CA10: variants seen among roughly 807,000 people sequenced by gnomAD.
The protein encoded by CA10 is carbonic anhydrase-related protein 10.
Under a neutral mutation model 44.2 loss-of-function variants are expected in CA10, and 14 were observed. The ratio of observed to expected loss-of-function variants is 0.32; its 90% CI spans 0.21 to 0.50. The LOEUF (loss-of-function observed/expected upper bound fraction) is 0.50. CA10 is among the 20% of genes least tolerant of loss of function. The pLI is 0.99. For synonymous variants in CA10, 159 were observed against 141.6 expected, an observed-to-expected ratio of 1.12 and a Z score of -0.87; for missense variants, 350 against 409.7, an observed-to-expected ratio of 0.85 and a Z score of 1.26.
intron 3 of CA10, among the ~76,000 whole-genome samples, chr17:51,813,187 T>C (rs1907437796): frequency 6.6e-6 from 1 of 152,224 alleles, no homozygotes. Flanking sequence ...CAGCTTCCTC[T>C]AGTGATGGTA....
At chr17:51,816,889 C>G (rs948014099) in intron 3 of CA10, among the ~76,000 whole-genome samples, 6 of 152,192 alleles carry the variant, frequency 3.9e-5, no homozygotes, top group Admixed American at 3.9e-4. Context: ...GAGCTTGGTT[C>G]CTGGATGACT....
intron 2 of CA10, among the ~76,000 whole-genome samples, chr17:52,043,169 C>T (rs942539932): frequency 2.6e-5 from 4 of 151,998 alleles, no homozygotes; most frequent in African/African-American, 4.8e-5. Context: ...GATAACTTTT[C>T]GTAGCATGAG....
At chr17:52,016,153 C>G (rs1985961589) in intron 2 of CA10, among the ~76,000 whole-genome samples, 1 of 152,094 alleles carries the variant, frequency 6.6e-6, no homozygotes, top group Non-Finnish European at 1.5e-5. Context: ...CTTTCAGACA[C>G]CAGGATTCAA....
intron 3 of CA10, among the ~76,000 whole-genome samples, chr17:51,824,595 G>C (rs1298486800): frequency 6.6e-6 from 1 of 152,054 alleles, no homozygotes; most frequent in Non-Finnish European, 1.5e-5. Context: ...TTTCCCTTTT[G>C]CCTCAGACTT....
intron 2 of CA10, among the ~76,000 whole-genome samples, chr17:52,061,399 T>G (rs2143092900): frequency 6.6e-6 from 1 of 152,306 alleles, no homozygotes; most frequent in South Asian, 2.1e-4. Flanking sequence ...CAGGCTGCCC[T>G]AGTGACACCT....
chr17:51,810,317 A>G (rs1490264800), intron 3 of CA10, among the ~76,000 whole-genome samples: 1 of 152,216 alleles, frequency 6.6e-6, no homozygotes, highest in African/African-American at 2.4e-5. Context: ...AACATTCACT[A>G]AATATTTATT....
chr17:52,151,005 A>C (rs2143411608), intron 1 of CA10, among the ~76,000 whole-genome samples: 1 of 152,256 alleles, frequency 6.6e-6, no homozygotes, highest in East Asian at 1.9e-4. Context: ...GATTTTTTTT[A>C]ATGTGTTTTG....
chr17:51,951,425 C>A, intron 2 of CA10, among the ~76,000 whole-genome samples: 1 of 152,188 alleles, frequency 6.6e-6, no homozygotes, highest in East Asian at 1.9e-4. Context: ...TTCCCCGGCT[C>A]AGTTACTTAA....
At chr17:51,705,102 C>T (rs1375190355) in intron 4 of CA10, among the ~76,000 whole-genome samples, 2 of 152,098 alleles carry the variant, frequency 1.3e-5, no homozygotes, top group Non-Finnish European at 2.9e-5. Flanking sequence ...CAGCTCTTCC[C>T]AGTTCTCCAG....
At position 51,649,187 on chromosome 17, in the gene CA10, T is replaced by A. The variant is rs1202513753; in HGVS notation, c.629A>T (p.Tyr210Phe). ...LNRDTITRIT[Y>F]KNDAYLLQGL... ...GGAAATTGAACCAAACTTACTTTTA[T>A]ATGTTATTCTTGTGATAGTATCTCT... is the stretch of plus-strand genomic sequence containing the variant. Residue 210 changes from tyrosine (Y) to phenylalanine (F), a missense_variant, in exon 6 of 9, where the codon TAT (tyrosine) becomes TTT (phenylalanine). Coordinates refer to ENST00000451037, the MANE Select transcript of CA10 (RefSeq NM_020178.5). 6.2e-7 allele frequency: 1 copy of A among 1,611,014 alleles called. No individual in the cohort carries two copies. The highest frequency in any genetic ancestry group is 8.5e-7 in the Non-Finnish European group (1 of 1,177,292).
rs534514040 is a variant in CA10 at position 51,650,485 on chromosome 17, G to A, written c.562-1231C>T. 2.6e-5 allele frequency among the ~76,000 whole-genome samples: 4 copies of A among 152,218 alleles called. No homozygotes were observed. In the East Asian group the frequency reaches 7.7e-4, roughly 29 times the overall value. On this transcript the variant is annotated intron_variant, in intron 5 of 8. Transcript: ENST00000451037. ...CTGTCTCCCTTTTTGCGGTTTCCTG[G>A]CTGTGTTGTGGTGAGACACACACCA...
chr17:51,690,123 T>C (rs770641689), intron 4 of CA10, among the ~76,000 whole-genome samples: 148 of 152,142 alleles, frequency 9.7e-4, no homozygotes, highest in Non-Finnish European at 1.8e-3. Context: ...AATTTTTGTA[T>C]TTTTAGTAGA....
intron 3 of CA10, among the ~76,000 whole-genome samples, chr17:51,823,218 G>A (rs1051664960): frequency 5.9e-5 from 9 of 152,318 alleles, no homozygotes; most frequent in East Asian, 3.9e-4. Context: ...AGGAGTTAGC[G>A]AAATGCCCAG....
At chr17:52,003,485 G>C (rs1405516979) in intron 2 of CA10, among the ~76,000 whole-genome samples, 1 of 151,944 alleles carries the variant, frequency 6.6e-6, no homozygotes, top group Non-Finnish European at 1.5e-5. Flanking sequence ...CTCCAGCATG[G>C]TCCCTGACTA....
In CA10 at chr17:51,635,926, T is replaced by A. The variant is rs1473406041; in HGVS notation, c.718A>T (p.Thr240Ser). 6.2e-7 allele frequency: 1 copy of A among 1,610,296 alleles called. No homozygotes were observed. The highest frequency in any genetic ancestry group is 1.7e-5 in the Admixed American group (1 of 59,908). ...SSFITYDGSM[T>S]IPPCYETASW... The stretch of plus-strand genomic sequence containing the variant: ...GCTGTCTCATAGCAGGGTGGGATAG[T>A]CATCGACCCATCGTAAGTGATGAAA... The change falls in exon 7 of 9, where the codon ACT becomes TCT. Residue 240 changes from threonine to serine, a missense_variant. Thr to Ser is a moderately conservative substitution (Grantham distance 58, BLOSUM62 1). Transcript: ENST00000451037.
rs1248515893 is a variant in CA10, at chr17:52,158,614, C to T, written c.-828G>A. ...CACAGACTCTCCAGGTCGCGCGCGC[C>T]CTTCCTGCTCCTCTGCTATTTTCCT... is the stretch of plus-strand genomic sequence containing the variant. On this transcript the variant is annotated 5_prime_UTR_variant, in exon 1 of 9. Coordinates refer to ENST00000451037, the MANE Select transcript of CA10 (RefSeq NM_020178.5). 2 of 152,616 alleles carry T rather than the reference C, an allele frequency of 1.3e-5. No individual in the cohort carries two copies. The highest frequency in any genetic ancestry group is 4.8e-5 in the African/African-American group (2 of 41,446). 9.5% of individuals were successfully genotyped at this position (152,616 alleles called of 1,614,324 possible).
chr17:51,986,136 A>T (rs1043663213), intron 2 of CA10, among the ~76,000 whole-genome samples: 4 of 152,208 alleles, frequency 2.6e-5, no homozygotes, highest in African/African-American at 9.6e-5. Flanking sequence ...ACAAAACAAC[A>T]TGGTACTGAT....
At chr17:52,095,983 T>C (rs1311857045) in intron 1 of CA10, among the ~76,000 whole-genome samples, 1 of 152,180 alleles carries the variant, frequency 6.6e-6, no homozygotes, top group African/African-American at 2.4e-5. Flanking sequence ...GATGTCCTTT[T>C]ATTACCTGTG....
intron 2 of CA10, among the ~76,000 whole-genome samples, chr17:51,975,964 G>A (rs1984450175): frequency 6.6e-6 from 1 of 151,778 alleles, no homozygotes; most frequent in Non-Finnish European, 1.5e-5. Context: ...AAAGGAAAGG[G>A]ATGGAGAAAA....
Sources: allele counts gnomAD v4.1 joint callset (sites outside exome capture counted in the v4.1 genomes callset), GRCh38; gene constraint gnomAD v4.1.1; transcripts MANE v1.5; gene names NCBI Gene and HGNC (gene_info 2026-07-23, HGNC 2026-07-21).